PCDHGB3: variants seen among roughly 807,000 people sequenced by gnomAD.
PCDHGB3 encodes the protein protocadherin gamma subfamily B, 3.
In PCDHGB3, 40 loss-of-function variants were observed where a neutral mutation model predicts 59.2. The ratio of observed to expected loss-of-function variants is 0.68; its 90% CI spans 0.52 to 0.88. PCDHGB3 has a LOEUF of 0.88. Among genes scored for constraint, PCDHGB3 ranks in the 40% least tolerant of loss-of-function variants. PCDHGB3 has a pLI of 0.00. For synonymous variants in PCDHGB3, 581 were observed against 503.6 expected, an observed-to-expected ratio of 1.15 and a Z score of -2.06; for missense variants, 1,309 against 1,187.9, an observed-to-expected ratio of 1.10 and a Z score of -1.50.
chr5:141,376,072 C>G (rs755171325), intron 1 of PCDHGB3: 9 of 1,613,498 alleles, frequency 5.6e-6, no homozygotes, highest in Middle Eastern at 1.7e-4. Flanking sequence ...TCACCGTGGC[C>G]GTGGCCGACA....
At chr5:141,393,218 C>G (rs1157907229) in intron 1 of PCDHGB3, 2 of 1,613,598 alleles carry the variant, frequency 1.2e-6, no homozygotes, top group Admixed American at 3.3e-5. Flanking sequence ...AATTCCAGGT[C>G]GAAGATCTAG....
rs1246027327 is a variant in PCDHGB3, at chr5:141,491,976, C to A, written c.2416-2831C>A. On this transcript the variant is annotated intron_variant, in intron 1 of 3. Transcript: ENST00000576222. This position sits in a 1 kb window ranked among gnomAD's most constrained non-coding sequence, Gnocchi z 6.9. ...ACTCAAAAAAGGCCGGGGCCTCCTT[C>A]GAGCTTCCGGTGAATTTCGGGCGAT... 3 of 800,708 alleles carry A rather than the reference C, an allele frequency of 3.7e-6. No individual in the cohort carries two copies. The Admixed American group carries it at 1.1e-4, about 30-fold the overall frequency. 49.6% of individuals were successfully genotyped at this position (800,708 alleles called of 1,614,324 possible).
intron 1 of PCDHGB3, among the ~76,000 whole-genome samples, chr5:141,424,979 T>G (rs565208060): frequency 1.4e-4 from 22 of 152,322 alleles, no homozygotes; most frequent in African/African-American, 4.6e-4. Flanking sequence ...CTTGGATATT[T>G]ATGTTCCCTT....
In PCDHGB3 at chr5:141,372,510, G is replaced by A; in HGVS notation, c.2116G>A (p.Ala706Thr). ...LALISVLFLL[A>T]VILAISLRLR... ...CTTGATCTCAGTGCTCTTCCTCCTC[G>A]CGGTGATTCTGGCAATCTCCCTGCG... Residue 706 changes from alanine to threonine, a missense_variant, in exon 1 of 4, where the codon GCG (alanine) becomes ACG (threonine). Ala to Thr is a moderately conservative substitution (Grantham distance 58). Transcript: ENST00000576222. 6.2e-7 allele frequency: 1 copy of A among 1,613,998 alleles called. No homozygotes were observed. Among genetic ancestry groups the A allele is most frequent in the South Asian group, 1.1e-5 (1 of 91,084 alleles).
intron 1 of PCDHGB3, chr5:141,415,485 T>C (rs2154545779): frequency 6.2e-7 from 1 of 1,614,044 alleles, no homozygotes; most frequent in South Asian, 1.1e-5. Flanking sequence ...CGCGAAAGAG[T>C]CACCTGATCT....
Position 141,421,984 on chromosome 5 carries a change from C to G in PCDHGB3, c.2415+49175C>G, listed in dbSNP as rs201871921. On this transcript the variant is annotated intron_variant, in intron 1 of 3. Transcript: ENST00000576222. ...ACAGTCCGTATATCGCGTGAGTGTT[C>G]CAGAAAACATCAGCTCCGGAACTCG... 21 of 1,608,770 alleles carry G rather than the reference C, an allele frequency of 1.3e-5. No homozygotes were observed. In the Admixed American group the frequency reaches 2.4e-4, roughly 18 times the overall value.
At chr5:141,409,524 A>AT (rs1357085904) in intron 1 of PCDHGB3, 9 of 1,613,854 alleles carry the variant, frequency 5.6e-6, no homozygotes, top group Non-Finnish European at 6.8e-6. Context: ...ATCACCTTGT[A>AT]TGTCGCTGAC....
intron 3 of PCDHGB3, among the ~76,000 whole-genome samples, chr5:141,510,272 T>TA (rs546154379): frequency 0.17 from 22,022 of 130,294 alleles, 2,255 homozygotes; most frequent in African/African-American, 0.28. Flanking sequence ...GACTCCATCT[T>TA]AAAAAAAAAA....
intron 1 of PCDHGB3, chr5:141,413,677 G>T (rs539552615): frequency 6.2e-7 from 1 of 1,613,794 alleles, no homozygotes; most frequent in East Asian, 2.2e-5. Flanking sequence ...GGATGTGGGC[G>T]TGAACTCCCT....
Position 141,448,073 on chromosome 5 carries a change from C to T in PCDHGB3, c.2416-46734C>T, listed in dbSNP as rs1025112556. ...TGCTCTCCAGCCTGGGCAACATGAA[C>T]GAAATGCCATCTTAAAAAAAAAAAA... On this transcript the variant is annotated intron_variant, in intron 1 of 3. Coordinates refer to ENST00000576222, the MANE Select transcript of PCDHGB3 (RefSeq NM_018924.5). 3.3e-5 allele frequency among the ~76,000 whole-genome samples: 5 copies of T among 151,432 alleles called. No individual in the cohort carries two copies. In the East Asian group the frequency reaches 5.8e-4, roughly 18 times the overall value.
In PCDHGB3 at chr5:141,486,645, C is replaced by G. The variant is rs369948556; in HGVS notation, c.2416-8162C>G. ...GACTCTGGCTTGAATGCGCTTATCT[C>G]CTACTCACTCCTGGAGCCCAGGAAT... On this transcript the variant is annotated intron_variant, in intron 1 of 3. Coordinates refer to ENST00000576222, the MANE Select transcript of PCDHGB3 (RefSeq NM_018924.5). The surrounding 1 kb of genome is among the most constrained non-coding windows in gnomAD (Gnocchi z 5.0). 4.3e-6 allele frequency: 7 copies of G among 1,613,752 alleles called. No individual in the cohort carries two copies. The Admixed American group carries it at 6.7e-5, about 15-fold the overall frequency.
At position 141,370,765 on chromosome 5, in the gene PCDHGB3, A is replaced by G; in HGVS notation, c.371A>G (p.Gln124Arg). 2 of 1,614,018 alleles carry G rather than the reference A, an allele frequency of 1.2e-6. No homozygotes were observed. Among genetic ancestry groups the G allele is most frequent in the South Asian group, 1.1e-5 (1 of 91,088 alleles). ...TTTTTTCATGTAACTGTGCTGATCC[A>G]GGATATTAACGACAACCCACCGACC... ...LNFFHVTVLI[Q>R]DINDNPPTFS... is the part of the protein sequence containing the mutation. The change falls in exon 1 of 4, where the codon CAG becomes CGG. Residue 124 changes from glutamine (Q) to arginine (R), a missense_variant. By Grantham distance (43) the Gln-to-Arg change is conservative (BLOSUM62 1). Coordinates refer to ENST00000576222, the MANE Select transcript of PCDHGB3 (RefSeq NM_018924.5).
At chr5:141,470,428 T>A (rs974038419) in intron 1 of PCDHGB3, among the ~76,000 whole-genome samples, 1 of 152,254 alleles carries the variant, frequency 6.6e-6, no homozygotes, top group Non-Finnish European at 1.5e-5. Flanking sequence ...TTTTTCCTTG[T>A]GTGCAATAAT....
intron 1 of PCDHGB3, chr5:141,393,614 C>G: frequency 6.2e-7 from 1 of 1,613,778 alleles, no homozygotes; most frequent in Non-Finnish European, 8.5e-7. Context: ...TAACAGCCAG[C>G]GACCCGGATG....
rs953803165 is a variant in PCDHGB3, at chr5:141,392,978, C to A, written c.2415+20169C>A. 2.5e-6 allele frequency: 4 copies of A among 1,613,808 alleles called. No individual in the cohort carries two copies. The highest frequency in any genetic ancestry group is 1.7e-4 in the Middle Eastern group (1 of 6,054). Reference sequence around the variant, plus strand: ...ATATCTCCAAGGACCTGGGGCTGGACCCCCGGAAGCTGGCGAAGCACGGAG... The same window carrying A: ...ATATCTCCAAGGACCTGGGGCTGGAACCCCGGAAGCTGGCGAAGCACGGAG... On this transcript the variant is annotated intron_variant, in intron 1 of 3. Coordinates refer to ENST00000576222, the MANE Select transcript of PCDHGB3 (RefSeq NM_018924.5).
chr5:141,477,043 G>A lies in PCDHGB3; in HGVS notation c.2416-17764G>A. The A allele has an allele frequency of 6.2e-7, 1 of 1,614,260 alleles. No individual in the cohort carries two copies. Among genetic ancestry groups the A allele is most frequent in the Middle Eastern group, 1.6e-4 (1 of 6,062 alleles). On this transcript the variant is annotated intron_variant, in intron 1 of 3. Coordinates refer to ENST00000576222, the MANE Select transcript of PCDHGB3 (RefSeq NM_018924.5). This position sits in a 1 kb window ranked among gnomAD's most constrained non-coding sequence, Gnocchi z 4.9. The stretch of plus-strand genomic sequence containing the variant: ...CCGGGATGCTGACAATCAAGGGTCG[G>A]CTGGACTTCGAGGACACCAAACTCC...
At chr5:141,384,448 C>A (rs1780101973) in intron 1 of PCDHGB3, 2 of 1,614,070 alleles carry the variant, frequency 1.2e-6, no homozygotes, top group Non-Finnish European at 1.7e-6. Flanking sequence ...CCTGTACGCG[C>A]TGCAATCCTT....
rs1024041994 is a variant in PCDHGB3 at position 141,409,578 on chromosome 5, T to C, written c.2415+36769T>C. The C allele has an allele frequency of 3.1e-6, 5 of 1,613,824 alleles. No individual in the cohort carries two copies. In the Admixed American group the frequency reaches 6.7e-5, roughly 22 times the overall value. On this transcript the variant is annotated intron_variant, in intron 1 of 3. Coordinates refer to ENST00000576222, the MANE Select transcript of PCDHGB3 (RefSeq NM_018924.5). Reference sequence around the variant, plus strand: ...GTTTTCGACCAGACGTCCTACGTGGTCCACGTGGCCGAGAACAACCCGCCA... The same window carrying C: ...GTTTTCGACCAGACGTCCTACGTGGCCCACGTGGCCGAGAACAACCCGCCA...
rs1210809217 is a variant in PCDHGB3 at position 141,432,990 on chromosome 5, A to G, written c.2415+60181A>G. The G allele has an allele frequency of 6.2e-7, 1 of 1,614,152 alleles. No individual in the cohort carries two copies. The highest frequency in any genetic ancestry group is 1.7e-5 in the Admixed American group (1 of 60,022). ...CCGGCGTCGCACTTTGTGGGCGTGGACGGGGTGCAGGCTTTCCTGCAGACC... is the reference window on the plus strand; with the variant it reads ...CCGGCGTCGCACTTTGTGGGCGTGGGCGGGGTGCAGGCTTTCCTGCAGACC... On this transcript the variant is annotated intron_variant, in intron 1 of 3. Transcript: ENST00000576222. This position sits in a 1 kb window ranked among gnomAD's most constrained non-coding sequence, Gnocchi z 6.0.
Sources: allele counts gnomAD v4.1 joint callset (sites outside exome capture counted in the v4.1 genomes callset), GRCh38; gene constraint gnomAD v4.1.1; non-coding constraint Gnocchi (gnomAD v3.1); transcripts MANE v1.5; gene names NCBI Gene and HGNC (gene_info 2026-07-23, HGNC 2026-07-21).